FERMT3: variants seen among roughly 807,000 people sequenced by gnomAD.
FERMT3 encodes FERM domain containing kindlin 3.
FERMT3 carries 33 observed loss-of-function variants against 80.8 expected under a neutral mutation model. The observed-to-expected ratio is 0.41, with a 90% CI of 0.31 to 0.55. FERMT3 has a LOEUF of 0.55. Among genes scored for constraint, FERMT3 ranks in the 20% least tolerant of loss-of-function variants. The pLI is 0.31. For synonymous variants in FERMT3, 375 were observed against 372.2 expected (o/e 1.01, Z -0.09); for missense variants, 754 against 908.7 (o/e 0.83, Z 2.19).
chr11:64,212,180 C>A (rs1252923121), intron 6 of FERMT3, among the ~76,000 whole-genome samples: 2 of 152,178 alleles, frequency 1.3e-5, no homozygotes, highest in Non-Finnish European at 2.9e-5. Flanking sequence ...AGGAAGGAAG[C>A]TTTGCAGGGT....
chr11:64,210,483 C>A lies in FERMT3; in HGVS notation c.161-128C>A, dbSNP rs947389893. On this transcript the variant is annotated intron_variant, in intron 2 of 14. Transcript: ENST00000345728. This position sits in a 1 kb window ranked among gnomAD's most constrained non-coding sequence, Gnocchi z 4.3. ...GGGGTAGACCCCAGGCCCGCCCAGGCTGCCCCACTCTTGGCTTAGGCAGGG... is the reference window on the plus strand; with the variant it reads ...GGGGTAGACCCCAGGCCCGCCCAGGATGCCCCACTCTTGGCTTAGGCAGGG... 9.7e-6 allele frequency: 9 copies of A among 928,584 alleles called. No individual in the cohort carries two copies. The highest frequency in any genetic ancestry group is 1.4e-5 in the Non-Finnish European group (8 of 586,650). The allele number at this position is 928,584 out of a possible 1,614,324, so 57.5% of individuals were successfully genotyped here.
Position 64,219,438 on chromosome 11 carries a change from G to T in FERMT3, c.894+80G>T. ...GCAGGAAGGGCCTTCCTGAGTGGGG[G>T]CTACCTCCAGGGAAGCCCGGCCTGG... is the stretch of plus-strand genomic sequence containing the variant. On this transcript the variant is annotated intron_variant, in intron 7 of 14. Coordinates refer to ENST00000345728, the MANE Select transcript of FERMT3 (RefSeq NM_031471.6). This position sits in a 1 kb window ranked among gnomAD's most constrained non-coding sequence, Gnocchi z 4.0. 1 of 1,558,424 alleles carries T rather than the reference G, an allele frequency of 6.4e-7. No individual in the cohort carries two copies. The highest frequency in any genetic ancestry group is 1.2e-5 in the South Asian group (1 of 85,470).
rs748029046 is a variant in FERMT3 at position 64,220,254 on chromosome 11, C to T, written c.1239C>T (p.Gly413=). The stretch of plus-strand genomic sequence containing the variant: ...TGGTTCCCGATGTTAACGTCTCCGG[C>T]CAGAAGTTCTGCATTAAACTCCTAG... ...CEVVPDVNVS[G]QKFCIKLLVP... is the part of the protein sequence containing the mutation. The change falls in exon 11 of 15, where the codon GGC becomes GGT. Residue 413 remains glycine (G), a synonymous_variant. Coordinates refer to ENST00000345728, the MANE Select transcript of FERMT3 (RefSeq NM_031471.6). The T allele has an allele frequency of 1.9e-6, 3 of 1,613,832 alleles. No homozygotes were observed. The highest frequency in any genetic ancestry group is 1.7e-5 in the Admixed American group (1 of 60,014).
intron 13 of FERMT3, among the ~76,000 whole-genome samples, chr11:64,222,636 T>G (rs1173665140): frequency 6.6e-6 from 1 of 151,394 alleles, no homozygotes; most frequent in East Asian, 1.9e-4. Context: ...CCAGCTCTGC[T>G]GTGGACAGTT....
Position 64,223,832 on chromosome 11 carries a change from C to A in FERMT3, c.*340C>A. The stretch of plus-strand genomic sequence containing the variant: ...GATGAAACATGGTTTCAAACGAGTT[C>A]TTTCTTGTTACTTTTTAAAATTTCT... On this transcript the variant is annotated 3_prime_UTR_variant, in exon 15 of 15. Coordinates refer to ENST00000345728, the MANE Select transcript of FERMT3 (RefSeq NM_031471.6). 7.4e-7 allele frequency: 1 copy of A among 1,352,534 alleles called. No individual in the cohort carries two copies. 83.8% of individuals were successfully genotyped at this position (1,352,534 alleles called of 1,614,324 possible).
At chr11:64,212,573 A>G (rs531331005) in intron 6 of FERMT3, among the ~76,000 whole-genome samples, 2 of 152,158 alleles carry the variant, frequency 1.3e-5, no homozygotes, top group East Asian at 1.9e-4. Context: ...TTACTTGACC[A>G]CTTACTTGCA....
intron 2 of FERMT3, 130 bp downstream of exon 2, chr11:64,207,654 T>A: frequency 8.6e-7 from 1 of 1,156,560 alleles, no homozygotes; most frequent in Non-Finnish European, 1.2e-6. Flanking sequence ...GGCATTAGCT[T>A]AATCATTTGG....
At chr11:64,215,054 C>T (rs556812290) in intron 6 of FERMT3, among the ~76,000 whole-genome samples, 1 of 152,308 alleles carries the variant, frequency 6.6e-6, no homozygotes, top group Admixed American at 6.5e-5. Context: ...AGGTGATCCA[C>T]CTGCCTTGGC....
chr11:64,209,642 A>G (rs915680669), intron 2 of FERMT3, among the ~76,000 whole-genome samples: 1 of 152,188 alleles, frequency 6.6e-6, no homozygotes, highest in African/African-American at 2.4e-5. Flanking sequence ...TGGGAGGGGA[A>G]GTGCCGGAGG....
chr11:64,207,313 G>A, intron 1 of FERMT3, 38 bp from the exon 2 acceptor site: 2 of 1,613,716 alleles, frequency 1.2e-6, no homozygotes, highest in Non-Finnish European at 1.7e-6. Context: ...AGGCCTACCA[G>A]GGCCTGCCCA....
At chr11:64,214,615 G>A (rs1202420602) in intron 6 of FERMT3, among the ~76,000 whole-genome samples, 1 of 152,158 alleles carries the variant, frequency 6.6e-6, no homozygotes, top group Non-Finnish European at 1.5e-5. Context: ...CCAATATGCT[G>A]GGATTACAGG....
rs368565732 is a variant in FERMT3, at chr11:64,223,431, G to T, written c.1931G>T (p.Arg644Leu). The T allele has an allele frequency of 1.9e-6, 3 of 1,613,236 alleles. No individual in the cohort carries two copies. The highest frequency in any genetic ancestry group is 4.5e-5 in the East Asian group (2 of 44,890). Reference protein sequence around the residue: ...YIFLSTRERARGEELDEDLFL... With the variant: ...YIFLSTRERALGEELDEDLFL... ...TTCCTGTCGACGCGGGAGCGGGCCCGTGGGGAGGAGCTGGATGAAGACCTC... is the reference window on the plus strand; with the variant it reads ...TTCCTGTCGACGCGGGAGCGGGCCCTTGGGGAGGAGCTGGATGAAGACCTC... The change falls in exon 15 of 15, where the codon CGT becomes CTT. Residue 644 changes from arginine to leucine, a missense_variant. By Grantham distance (102) the Arg-to-Leu change is moderately radical. Coordinates refer to ENST00000345728, the MANE Select transcript of FERMT3 (RefSeq NM_031471.6).
chr11:64,207,831 G>T (rs1325298782), intron 2 of FERMT3: 2 of 313,840 alleles, frequency 6.4e-6, no homozygotes, highest in Non-Finnish European at 6.0e-6. Context: ...AAGTCACATT[G>T]CTGAGGTCTG....
At chr11:64,209,676 A>G (rs545458839) in intron 2 of FERMT3, among the ~76,000 whole-genome samples, 1 of 152,304 alleles carries the variant, frequency 6.6e-6, no homozygotes, top group East Asian at 1.9e-4. Context: ...TTGGTTTGGC[A>G]GCAGTGGTGA....
chr11:64,218,128 T>C (rs1312658455), intron 6 of FERMT3, among the ~76,000 whole-genome samples: 1 of 150,724 alleles, frequency 6.6e-6, no homozygotes, highest in South Asian at 2.1e-4. Context: ...CTCAGCGTCC[T>C]GAGTAGCTGG....
chr11:64,211,898 C>T lies in FERMT3; in HGVS notation c.786+151C>T. On this transcript the variant is annotated intron_variant, in intron 6 of 14. Coordinates refer to ENST00000345728, the MANE Select transcript of FERMT3 (RefSeq NM_031471.6). The surrounding 1 kb of genome is among the most constrained non-coding windows in gnomAD (Gnocchi z 4.7). ...CACCTTTGTTTACTGACCCCACAAA[C>T]ACCCACTGAAACTCATCTACTCACC... The T allele has an allele frequency of 1.3e-6, 1 of 775,742 alleles. No individual in the cohort carries two copies. The highest frequency in any genetic ancestry group is 2.1e-5 in the Admixed American group (1 of 48,404). 48.1% of individuals were successfully genotyped at this position (775,742 alleles called of 1,614,324 possible). A position where few individuals can be genotyped will look rare whatever the true frequency, so the allele number is the denominator to read the frequency against.
At chr11:64,218,249 C>T (rs763289858) in intron 6 of FERMT3, among the ~76,000 whole-genome samples, 113 of 152,246 alleles carry the variant, frequency 7.4e-4, no homozygotes, top group Admixed American at 2.0e-3. Context: ...CGTGATCCAC[C>T]GACCTCGGCC....
chr11:64,207,524 A>T lies in FERMT3; in HGVS notation c.160A>T (p.Asn54Tyr), dbSNP rs892554921. The T allele has an allele frequency of 6.2e-7, 1 of 1,602,480 alleles. No homozygotes were observed. The highest frequency in any genetic ancestry group is 8.5e-7 in the Non-Finnish European group (1 of 1,171,776). ...GCTCCTGAAGATTGTGGAGCAGATCAGTGAGTGTCCGCTGCCCGCTTGCTG... is the reference window on the plus strand; with the variant it reads ...GCTCCTGAAGATTGTGGAGCAGATCTGTGAGTGTCCGCTGCCCGCTTGCTG... ...GVLLKIVEQI[N>Y]RKQDWSDHAI... Residue 54 changes from asparagine (N) to tyrosine (Y), a missense_variant and splice_region_variant, in exon 2 of 15, where the codon AAT (asparagine) becomes TAT (tyrosine). Asn to Tyr is a moderately radical substitution (Grantham distance 143). Transcript: ENST00000345728.
At chr11:64,209,892 G>C (rs920113644) in intron 2 of FERMT3, among the ~76,000 whole-genome samples, 1 of 152,154 alleles carries the variant, frequency 6.6e-6, no homozygotes, top group Non-Finnish European at 1.5e-5. Flanking sequence ...GGGAGGAGGC[G>C]GGGAGACCTG....
Sources: allele counts gnomAD v4.1 joint callset (sites outside exome capture counted in the v4.1 genomes callset), GRCh38; gene constraint gnomAD v4.1.1; non-coding constraint Gnocchi (gnomAD v3.1); transcripts MANE v1.5; gene names NCBI Gene and HGNC (gene_info 2026-07-23, HGNC 2026-07-21).